The following HERC1 variants were observed in gnomAD, a reference collection of about 807,000 sequenced individuals.
HERC1 encodes HECT and RLD domain containing E3 ubiquitin protein ligase family member 1.
HERC1 carries 160 observed loss-of-function variants against 554.3 expected under a neutral mutation model. That is an observed-to-expected ratio of 0.29 (90% confidence interval 0.25 to 0.33). The LOEUF (loss-of-function observed/expected upper bound fraction) is 0.33. Ranked by LOEUF, HERC1 falls within the 10% of genes least tolerant of loss-of-function variation. The pLI is 1.00. For missense variants in HERC1, 4,919 were observed against 5,918.5 expected (o/e 0.83, Z 5.54); for synonymous variants, 2,175 against 2,131.7 (o/e 1.02, Z -0.56).
chr15:63,611,678 C>T (rs1473768637), intron 77 of HERC1, among the ~76,000 whole-genome samples: 3 of 152,230 alleles, frequency 2.0e-5, no homozygotes, highest in African/African-American at 4.8e-5. Context: ...TCAGCTTTAA[C>T]TCAGGAAGAT....
At chr15:63,655,436 C>A (rs764614406) in intron 50 of HERC1, among the ~76,000 whole-genome samples, 3 of 152,158 alleles carry the variant, frequency 2.0e-5, no homozygotes, top group Non-Finnish European at 2.9e-5. Context: ...TAAGTAGTCC[C>A]TTCAAAGTGT....
chr15:63,808,543 C>T (rs1363347041), intron 1 of HERC1, among the ~76,000 whole-genome samples: 1 of 152,188 alleles, frequency 6.6e-6, no homozygotes, highest in Non-Finnish European at 1.5e-5. Flanking sequence ...GTCTCAGCCT[C>T]CCAAAGTGCT....
chr15:63,736,936 T>C lies in HERC1; in HGVS notation c.2521-2087A>G, dbSNP rs145084621. On this transcript the variant is annotated intron_variant, in intron 12 of 77. Transcript: ENST00000443617. ...CATCACACTCTTACCCATGATTGGC[T>C]TCGAAGCCAAAGGTTATTAGAAATT... 1.1e-3 allele frequency among the ~76,000 whole-genome samples: 170 copies of C among 152,082 alleles called. 1 individual carries two copies. The highest frequency in any genetic ancestry group is 3.9e-3 in the African/African-American group (161 of 41,498).
Position 63,759,941 on chromosome 15 carries a change from G to C in HERC1, c.1027-1572C>G, listed in dbSNP as rs186337893. 6.2e-4 allele frequency among the ~76,000 whole-genome samples: 95 copies of C among 152,270 alleles called. 1 individual carries two copies. The East Asian group carries it at 0.018, about 28-fold the overall frequency. ...GGACAGCTGCCAGTCCCTAATAAAA[G>C]GTCTGGAATTTTGCTGGAGATAAAG... is the stretch of plus-strand genomic sequence containing the variant. On this transcript the variant is annotated intron_variant, in intron 3 of 77. Coordinates refer to ENST00000443617, the MANE Select transcript of HERC1 (RefSeq NM_003922.4).
chr15:63,608,844 A>C lies in HERC1; in HGVS notation c.*237T>G, dbSNP rs1205182776. Reference sequence around the variant, plus strand: ...TGCAAACTTATCAAAAGTGACCAAAAATATGGAGGGAAAAACCTGACTGAG... The same window carrying C: ...TGCAAACTTATCAAAAGTGACCAAACATATGGAGGGAAAAACCTGACTGAG... On this transcript the variant is annotated 3_prime_UTR_variant, in exon 78 of 78. Transcript: ENST00000443617. 2.7e-6 allele frequency: 1 copy of C among 374,834 alleles called. No individual in the cohort carries two copies. Among genetic ancestry groups the C allele is most frequent in the Non-Finnish European group, 4.8e-6 (1 of 210,076 alleles). 23.2% of individuals were successfully genotyped at this position (374,834 alleles called of 1,614,324 possible).
chr15:63,646,831 AAAAC>A (rs1357993754), intron 55 of HERC1, among the ~76,000 whole-genome samples: 11 of 105,164 alleles, frequency 1.0e-4, no homozygotes, highest in Non-Finnish European at 1.3e-4. Flanking sequence ...CAAACAAACA[AAAAC>A]AAAAACAAAA....
At chr15:63,634,035 G>C (rs2068676860) in intron 66 of HERC1, 65 bp from the exon 67 acceptor site, 6 of 1,587,466 alleles carry the variant, frequency 3.8e-6, no homozygotes, top group Non-Finnish European at 5.2e-6. Flanking sequence ...CCCGTTTCTG[G>C]GACCCTTTTT....
At chr15:63,814,541 C>T (rs2077430904) in intron 1 of HERC1, among the ~76,000 whole-genome samples, 2 of 152,202 alleles carry the variant, frequency 1.3e-5, no homozygotes, top group African/African-American at 4.8e-5. Flanking sequence ...ACCACAACTT[C>T]CACCTCCCAG....
At chr15:63,740,049 T>C (rs1418280196) in intron 12 of HERC1, among the ~76,000 whole-genome samples, 1 of 152,152 alleles carries the variant, frequency 6.6e-6, no homozygotes, top group Non-Finnish European at 1.5e-5. Context: ...TATCTGGGAC[T>C]ACAGGCATGC....
chr15:63,817,808 T>C lies in HERC1; in HGVS notation c.-27+16019A>G, dbSNP rs1348133261. ...AAGACTGCCTATGAGTTGATAATTC[T>C]TGAAGTTCAATATTGGGTACATGGG... On this transcript the variant is annotated intron_variant, in intron 1 of 77. Coordinates refer to ENST00000443617, the MANE Select transcript of HERC1 (RefSeq NM_003922.4). Among the ~76,000 whole-genome samples, 5 of 152,322 alleles carry C rather than the reference T, an allele frequency of 3.3e-5. No homozygotes were observed. In the East Asian group the frequency reaches 7.7e-4, roughly 23 times the overall value.
At chr15:63,794,108 A>G (rs1329203085) in intron 1 of HERC1, among the ~76,000 whole-genome samples, 1 of 152,140 alleles carries the variant, frequency 6.6e-6, no homozygotes, top group Non-Finnish European at 1.5e-5. Flanking sequence ...TATATGGTCT[A>G]AAAAGGGGAG....
chr15:63,714,611 A>C (rs2073459924), intron 22 of HERC1, among the ~76,000 whole-genome samples: 1 of 128,952 alleles, frequency 7.8e-6, no homozygotes, highest in African/African-American at 3.0e-5. Flanking sequence ...GTGCAGTGGC[A>C]CGATCTCGGC....
intron 50 of HERC1, among the ~76,000 whole-genome samples, chr15:63,654,994 T>C (rs2069942448): frequency 6.6e-6 from 1 of 152,194 alleles, no homozygotes; most frequent in Non-Finnish European, 1.5e-5. Flanking sequence ...GAAAACAGTT[T>C]GGCTTTTGTT....
intron 46 of HERC1, 53 bp downstream of exon 46, chr15:63,660,920 G>C: frequency 9.5e-7 from 1 of 1,055,884 alleles, no homozygotes; most frequent in Non-Finnish European, 1.5e-6. Context: ...ATGTTAAGCA[G>C]AGAGGATATA....
intron 31 of HERC1, among the ~76,000 whole-genome samples, chr15:63,691,178 G>A (rs2072085526): frequency 6.6e-6 from 1 of 152,124 alleles, no homozygotes. Flanking sequence ...TCTAAAGTAA[G>A]CCAACAGCCG....
intron 45 of HERC1, 79 bp downstream of exon 45, chr15:63,661,673 CG>C (rs1555412986): frequency 1.4e-6 from 2 of 1,428,176 alleles, no homozygotes; most frequent in Non-Finnish European, 1.9e-6. Flanking sequence ...TAACTCCTCA[CG>C]TGAAAAATCT....
At chr15:63,700,881 T>C (rs2072681089) in intron 25 of HERC1, among the ~76,000 whole-genome samples, 1 of 151,892 alleles carries the variant, frequency 6.6e-6, no homozygotes, top group South Asian at 2.1e-4. Context: ...AAGTTAAAAA[T>C]ATTTAAAGAA....
At chr15:63,615,164 C>CTAAGGAGGAG (rs544341318) in intron 76 of HERC1, among the ~76,000 whole-genome samples, 52 of 152,160 alleles carry the variant, frequency 3.4e-4, no homozygotes, top group African/African-American at 1.2e-3. Flanking sequence ...ACAAACAGGA[C>CTAAGGAGGAG]TAAGGAGGAG....
At chr15:63,631,292 T>G (rs1228460493) in intron 68 of HERC1, among the ~76,000 whole-genome samples, 1 of 152,250 alleles carries the variant, frequency 6.6e-6, no homozygotes, top group Non-Finnish European at 1.5e-5. Context: ...CCATTTGGCT[T>G]GCCCACCTTC....
Sources: allele counts gnomAD v4.1 joint callset (sites outside exome capture counted in the v4.1 genomes callset), GRCh38; gene constraint gnomAD v4.1.1; transcripts MANE v1.5; gene names NCBI Gene and HGNC (gene_info 2026-07-23, HGNC 2026-07-21).